The following LIMD1 variants were observed in gnomAD, a reference collection of about 807,000 sequenced individuals.
The protein encoded by LIMD1 is LIM domain-containing protein 1.
LIMD1 carries 23 observed loss-of-function variants against 58.4 expected under a neutral mutation model. That is an observed-to-expected ratio of 0.39 (90% CI 0.28 to 0.56). The LOEUF (loss-of-function observed/expected upper bound fraction) is 0.56, where lower values mean the gene tolerates loss of function less well. Among genes scored for constraint, LIMD1 ranks in the 20% least tolerant of loss-of-function variants. The pLI, the probability that LIMD1 is intolerant of heterozygous loss-of-function variation, is 0.57. For missense variants in LIMD1, 838 were observed against 855.5 expected (o/e 0.98, Z 0.25); for synonymous variants, 334 against 345.5 (o/e 0.97, Z 0.37).
chr3:45,671,413 G>A (rs1414337890), intron 4 of LIMD1, among the ~76,000 whole-genome samples: 1 of 152,178 alleles, frequency 6.6e-6, no homozygotes, highest in African/African-American at 2.4e-5. Context: ...CCTGTTTGAA[G>A]GCTTTCTGTG....
intron 2 of LIMD1, among the ~76,000 whole-genome samples, chr3:45,646,330 G>A (rs896425924): frequency 6.6e-6 from 1 of 152,214 alleles, no homozygotes; most frequent in Non-Finnish European, 1.5e-5. Context: ...CTCTGCCTCT[G>A]CCTGCAGAGA....
At chr3:45,660,405 CTTTTTTTTTTTT>C (rs869301368) in intron 2 of LIMD1, among the ~76,000 whole-genome samples, 14 of 80,000 alleles carry the variant, frequency 1.7e-4, no homozygotes, top group African/African-American at 4.3e-4. Flanking sequence ...GGTGGGCTGT[CTTTTTTTTTTTT>C]TTTTTTTTTT....
In LIMD1 at chr3:45,595,840, GA is replaced by G; in HGVS notation, c.962del (p.Glu321GlyfsTer5). 6.2e-7 allele frequency: 1 copy of G among 1,614,218 alleles called. No individual in the cohort carries two copies. The highest frequency in any genetic ancestry group is 8.5e-7 in the Non-Finnish European group (1 of 1,180,034). ...LPRSNSGLGG[E>X]VSGVMSKPNV... ...AAGATCAAACTCGGGGCTGGGGGGTGAGGTTTCAGGTGTGATGTCCAAACCC... is the reference window on the plus strand; with the variant it reads ...AAGATCAAACTCGGGGCTGGGGGGTGGGTTTCAGGTGTGATGTCCAAACCC... On this transcript the variant is annotated frameshift_variant, in exon 1 of 8. Transcript: ENST00000273317. LOFTEE classifies it high-confidence loss of function.
chr3:45,600,598 G>T (rs572408467), intron 1 of LIMD1, among the ~76,000 whole-genome samples: 3 of 152,106 alleles, frequency 2.0e-5, no homozygotes, highest in Non-Finnish European at 4.4e-5. Flanking sequence ...TCTTCTAGGC[G>T]TTGCTCCTGG....
At chr3:45,647,852 C>T (rs938419142) in intron 2 of LIMD1, among the ~76,000 whole-genome samples, 1 of 152,186 alleles carries the variant, frequency 6.6e-6, no homozygotes, top group Non-Finnish European at 1.5e-5. Flanking sequence ...TCCCGAAGTG[C>T]TGAAGTCCCT....
chr3:45,610,687 G>A (rs569040355), intron 1 of LIMD1, among the ~76,000 whole-genome samples: 108 of 152,324 alleles, frequency 7.1e-4, no homozygotes, highest in Non-Finnish European at 1.4e-3. Context: ...CAGCAGCCCT[G>A]TACCTCAGTT....
intron 7 of LIMD1, among the ~76,000 whole-genome samples, chr3:45,674,892 C>T (rs1697647974): frequency 6.6e-6 from 1 of 152,172 alleles, no homozygotes; most frequent in Non-Finnish European, 1.5e-5. Context: ...TCCGCCTGCC[C>T]CTTCCTGCCC....
chr3:45,614,143 A>G (rs1701554888), intron 1 of LIMD1, among the ~76,000 whole-genome samples: 1 of 152,158 alleles, frequency 6.6e-6, no homozygotes, highest in Non-Finnish European at 1.5e-5. Context: ...CTGTGAGCCC[A>G]TCACTATTTT....
At chr3:45,635,309 G>A (rs1701774948) in intron 1 of LIMD1, among the ~76,000 whole-genome samples, 1 of 152,034 alleles carries the variant, frequency 6.6e-6, no homozygotes, top group Non-Finnish European at 1.5e-5. Context: ...TGAACTCCTG[G>A]CCTCAAACAG....
intron 1 of LIMD1, among the ~76,000 whole-genome samples, chr3:45,627,016 T>G (rs190264438): frequency 6.6e-6 from 1 of 152,300 alleles, no homozygotes; most frequent in Admixed American, 6.5e-5. Flanking sequence ...TTAATGATCT[T>G]TCAAAAATCC....
At position 45,596,051 on chromosome 3, in the gene LIMD1, C is replaced by G. The variant is rs1559511418; in HGVS notation, c.1172C>G (p.Pro391Arg). 6.2e-7 allele frequency: 1 copy of G among 1,614,112 alleles called. No homozygotes were observed. Among genetic ancestry groups the G allele is most frequent in the Non-Finnish European group, 8.5e-7 (1 of 1,180,052 alleles). The change falls in exon 1 of 8, where the codon CCA (proline) becomes CGA (arginine). Residue 391 changes from proline to arginine, a missense_variant. Pro to Arg is a moderately radical substitution (Grantham distance 103). This residue lies in a region of LIMD1 where 659 missense variants were observed against 639.8 expected (regional missense o/e 1.03). Coordinates refer to ENST00000273317, the MANE Select transcript of LIMD1 (RefSeq NM_014240.3). ...PKLSPTSLVH[P>R]VMSTLPELSC... is the part of the protein sequence containing the mutation. ...CTCAGCCCCACCAGTCTTGTCCATC[C>G]AGTGATGTCCACCCTGCCTGAGTTA...
chr3:45,595,538 A>C lies in LIMD1; in HGVS notation c.659A>C (p.Lys220Thr). 1 of 1,614,078 alleles carries C rather than the reference A, an allele frequency of 6.2e-7. No homozygotes were observed. Among genetic ancestry groups the C allele is most frequent in the South Asian group, 1.1e-5 (1 of 91,070 alleles). The change falls in exon 1 of 8, where the codon AAA becomes ACA. Residue 220 changes from lysine (K) to threonine (T), a missense_variant. By Grantham distance (78) the Lys-to-Thr change is moderately conservative. This residue lies in a region of LIMD1 where 659 missense variants were observed against 639.8 expected (regional missense o/e 1.03). Transcript: ENST00000273317. ...CCGGGGAGTGACCCACCACTGCCCA[A>C]ACCCTGCGGGGACCATCCCCTAAAT... ...SSPGSDPPLP[K>T]PCGDHPLNHR...
rs1415022439 is a variant in LIMD1, at chr3:45,680,257, A to T, written c.*3198A>T. 2 of 151,998 alleles carry T rather than the reference A, an allele frequency of 1.3e-5. No individual in the cohort carries two copies. The highest frequency in any genetic ancestry group is 4.8e-5 in the African/African-American group (2 of 41,384). The allele number at this position is 151,998 out of a possible 1,614,324, so 9.4% of individuals were successfully genotyped here. On this transcript the variant is annotated 3_prime_UTR_variant, in exon 8 of 8. Transcript: ENST00000273317. ...AGAATTGAGCACAAGACCACAAATT[A>T]TTACTGCTTGATGCGCTTGTTAAAA...
At chr3:45,643,265 A>G (rs1021818388) in intron 2 of LIMD1, among the ~76,000 whole-genome samples, 3 of 152,048 alleles carry the variant, frequency 2.0e-5, no homozygotes, top group African/African-American at 7.3e-5. Flanking sequence ...CGGGTAGATC[A>G]CTTGAGGTCA....
intron 3 of LIMD1, among the ~76,000 whole-genome samples, chr3:45,667,672 A>G (rs1242966882): frequency 6.6e-6 from 1 of 151,856 alleles, no homozygotes; most frequent in Non-Finnish European, 1.5e-5. Flanking sequence ...AGCTAACTAT[A>G]AAAGGCATTA....
At chr3:45,673,345 G>T in intron 5 of LIMD1, 109 bp from the exon 6 acceptor site, 1 of 825,346 alleles carries the variant, frequency 1.2e-6, no homozygotes, top group South Asian at 1.4e-5. Context: ...GGAGAGCAAG[G>T]GGCAGGAGGC....
chr3:45,665,026 A>C (rs1697497835), intron 2 of LIMD1, among the ~76,000 whole-genome samples: 1 of 151,930 alleles, frequency 6.6e-6, no homozygotes. Context: ...AAGGATGTTT[A>C]CCTGTGTTAG....
At position 45,644,526 on chromosome 3, in the gene LIMD1, C is replaced by T. The variant is rs142078542; in HGVS notation, c.1510+8275C>T. ...CCGCATAACCCTCCTCCACCCATGG[C>T]GGCGCACTAAATCCTGTAACAATTC... On this transcript the variant is annotated intron_variant, in intron 2 of 7. Coordinates refer to ENST00000273317, the MANE Select transcript of LIMD1 (RefSeq NM_014240.3). Among the ~76,000 whole-genome samples, 881 of 152,280 alleles carry T rather than the reference C, an allele frequency of 5.8e-3. 7 individuals carry two copies. Among genetic ancestry groups the T allele is most frequent in the African/African-American group, 0.02 (826 of 41,546 alleles).
chr3:45,609,654 C>T (rs1271954874), intron 1 of LIMD1, among the ~76,000 whole-genome samples: 1 of 152,214 alleles, frequency 6.6e-6, no homozygotes, highest in African/African-American at 2.4e-5. Context: ...CTTTGCATTA[C>T]CACATCCAGA....
Sources: allele counts gnomAD v4.1 joint callset (sites outside exome capture counted in the v4.1 genomes callset), GRCh38; gene constraint gnomAD v4.1.1; regional missense constraint gnomAD v4.1.1; transcripts MANE v1.5; gene names NCBI Gene and HGNC (gene_info 2026-07-23, HGNC 2026-07-21).